Variants in NUDT3 observed in about 807,000 individuals in gnomAD.
The protein encoded by NUDT3 is nudix hydrolase 3, also known as diphosphoinositol polyphosphate phosphohydrolase 1.
NUDT3 carries 9 observed loss-of-function variants against 23.6 expected under a neutral mutation model. The observed-to-expected ratio is 0.38, with a 90% CI of 0.23 to 0.66. The LOEUF is 0.66. Among genes scored for constraint, NUDT3 ranks in the 30% least tolerant of loss-of-function variants. The pLI is 0.52. For missense variants in NUDT3, 172 were observed against 218.5 expected (o/e 0.79, Z 1.34); for synonymous variants, 86 against 82.6 (o/e 1.04, Z -0.22).
intron 2 of NUDT3, among the ~76,000 whole-genome samples, chr6:34,321,343 C>T (rs965944667): frequency 6.6e-6 from 1 of 152,012 alleles, no homozygotes; most frequent in Non-Finnish European, 1.5e-5. Flanking sequence ...GAGGCTGAGA[C>T]AGGAGAATCG....
rs117753777 is a variant in NUDT3 at position 34,333,223 on chromosome 6, T to C, written c.210+8639A>G. Among the ~76,000 whole-genome samples, 148 of 152,300 alleles carry C rather than the reference T, an allele frequency of 9.7e-4. 1 individual carries two copies. In the East Asian group the frequency reaches 0.011, roughly 11 times the overall value. Reference sequence around the variant, plus strand: ...ATTTTAGCCCTCCCCTTACATGTGATTGCTAATGTGTCAAATGCTTCAGAT... The same window carrying C: ...ATTTTAGCCCTCCCCTTACATGTGACTGCTAATGTGTCAAATGCTTCAGAT... On this transcript the variant is annotated intron_variant, in intron 2 of 4. Transcript: ENST00000607016.
intron 2 of NUDT3, among the ~76,000 whole-genome samples, chr6:34,316,066 G>A (rs539491889): frequency 1.5e-4 from 23 of 152,226 alleles, no homozygotes; most frequent in Middle Eastern, 3.4e-3. Flanking sequence ...AGGTCTCTCC[G>A]TTGCCCTGGC....
intron 1 of NUDT3, among the ~76,000 whole-genome samples, chr6:34,391,635 T>C (rs1765200469): frequency 6.6e-6 from 1 of 152,156 alleles, no homozygotes; most frequent in Non-Finnish European, 1.5e-5. Flanking sequence ...ACAAAGATTA[T>C]TATATCAAAT....
intron 4 of NUDT3, among the ~76,000 whole-genome samples, chr6:34,291,572 G>C (rs969499319): frequency 1.3e-5 from 2 of 151,308 alleles, no homozygotes; most frequent in Non-Finnish European, 2.9e-5. Flanking sequence ...GTGTATTCTT[G>C]GCTCACTGCA....
At chr6:34,291,463 G>C (rs1763421270) in intron 4 of NUDT3, among the ~76,000 whole-genome samples, 1 of 151,968 alleles carries the variant, frequency 6.6e-6, no homozygotes, top group Admixed American at 6.6e-5. Context: ...CAGGATGTCA[G>C]TCTCACCACA....
intron 1 of NUDT3, among the ~76,000 whole-genome samples, chr6:34,381,312 C>T (rs1054202054): frequency 4.6e-5 from 7 of 152,126 alleles, no homozygotes; most frequent in Admixed American, 1.3e-4. Context: ...TCACTGCACC[C>T]GGCCTAAATT....
chr6:34,311,567 T>C (rs1266325553), intron 2 of NUDT3, among the ~76,000 whole-genome samples: 5 of 152,172 alleles, frequency 3.3e-5, no homozygotes, highest in African/African-American at 7.2e-5. Context: ...TTTGTGAATA[T>C]TGAAAAAGTG....
intron 1 of NUDT3, among the ~76,000 whole-genome samples, chr6:34,354,307 G>A (rs1764524276): frequency 6.6e-6 from 1 of 151,890 alleles, no homozygotes; most frequent in African/African-American, 2.4e-5. Flanking sequence ...CACTGGGCCT[G>A]GCCAGGAGTT....
intron 1 of NUDT3, among the ~76,000 whole-genome samples, chr6:34,357,044 TG>T (rs1158203230): frequency 6.6e-6 from 1 of 152,208 alleles, no homozygotes; most frequent in Non-Finnish European, 1.5e-5. Context: ...CCCAAAGTGC[TG>T]GGATTACAGG....
intron 2 of NUDT3, among the ~76,000 whole-genome samples, chr6:34,299,427 C>T (rs1763563624): frequency 6.6e-6 from 1 of 151,866 alleles, no homozygotes; most frequent in South Asian, 2.1e-4. Flanking sequence ...GAACAATTGC[C>T]TACCCTTTTT....
intron 2 of NUDT3, among the ~76,000 whole-genome samples, chr6:34,296,467 G>A (rs867144916): frequency 2.0e-5 from 3 of 151,714 alleles, no homozygotes; most frequent in African/African-American, 7.3e-5. Context: ...CCAGCTACTC[G>A]GGAGGCTGAG....
At chr6:34,323,221 C>G (rs1763972573) in intron 2 of NUDT3, among the ~76,000 whole-genome samples, 1 of 151,690 alleles carries the variant, frequency 6.6e-6, no homozygotes, top group Non-Finnish European at 1.5e-5. Context: ...CATGTATCCC[C>G]CAAATCTAAA....
chr6:34,347,010 C>T (rs993458366), intron 1 of NUDT3, among the ~76,000 whole-genome samples: 1 of 152,206 alleles, frequency 6.6e-6, no homozygotes, highest in Admixed American at 6.5e-5. Flanking sequence ...CTCAAGCAAT[C>T]CTCCTGCCTT....
At chr6:34,369,566 C>T (rs1412938952) in intron 1 of NUDT3, among the ~76,000 whole-genome samples, 1 of 152,060 alleles carries the variant, frequency 6.6e-6, no homozygotes, top group Non-Finnish European at 1.5e-5. Context: ...TAACGTCAAA[C>T]AGCGATAGGT....
intron 1 of NUDT3, among the ~76,000 whole-genome samples, chr6:34,365,450 T>C (rs1358277035): frequency 6.6e-6 from 1 of 151,874 alleles, no homozygotes; most frequent in African/African-American, 2.4e-5. Flanking sequence ...AATAAATAAA[T>C]AAATAAAGTC....
In NUDT3 at chr6:34,291,618, T is replaced by A. The variant is rs143143528; in HGVS notation, c.340+1833A>T. 3.5e-3 allele frequency among the ~76,000 whole-genome samples: 539 copies of A among 152,240 alleles called. 2 individuals carry two copies. Among genetic ancestry groups the A allele is most frequent in the African/African-American group, 0.01 (422 of 41,536 alleles). ...CCTAGGTTCAAGTTATTCTCCTGCC[T>A]CAGCTTCCTGAGTAGCTGAAATTAC... On this transcript the variant is annotated intron_variant, in intron 4 of 4. Coordinates refer to ENST00000607016, the MANE Select transcript of NUDT3 (RefSeq NM_006703.4).
At chr6:34,297,425 A>G (rs757213083) in intron 2 of NUDT3, among the ~76,000 whole-genome samples, 11 of 151,726 alleles carry the variant, frequency 7.2e-5, no homozygotes, top group Non-Finnish European at 1.6e-4. Flanking sequence ...GGCAGCCTGA[A>G]CACACTCTGC....
At chr6:34,374,156 CAAAAAAAAAAA>C (rs397888346) in intron 1 of NUDT3, among the ~76,000 whole-genome samples, 5 of 64,698 alleles carry the variant, frequency 7.7e-5, no homozygotes, top group East Asian at 4.2e-4. Flanking sequence ...GGCTCCCTCT[CAAAAAAAAAAA>C]AAAAAAAAAA....
chr6:34,365,900 G>C (rs1008670139), intron 1 of NUDT3, among the ~76,000 whole-genome samples: 1 of 152,070 alleles, frequency 6.6e-6, no homozygotes, highest in Non-Finnish European at 1.5e-5. Context: ...AATTAGCCAG[G>C]GGTGGTGGCG....
Sources: allele counts gnomAD v4.1 joint callset (sites outside exome capture counted in the v4.1 genomes callset), GRCh38; gene constraint gnomAD v4.1.1; transcripts MANE v1.5; gene names NCBI Gene and HGNC (gene_info 2026-07-23, HGNC 2026-07-21).